The following ABCC4 variants were observed in gnomAD, a reference collection of about 807,000 sequenced individuals.
The protein encoded by ABCC4 is ATP binding cassette subfamily C member 4 (PEL blood group), also known as ATP-binding cassette sub-family C member 4.
ABCC4 carries 102 observed loss-of-function variants against 168.5 expected under a neutral mutation model. The observed-to-expected ratio is 0.61, with a 90% CI of 0.52 to 0.71. The LOEUF is 0.71. ABCC4 is among the 30% of genes least tolerant of loss of function. The probability of loss-of-function intolerance (pLI) is 0.00; values close to 1 mark genes in which losing one functional copy is unlikely to be tolerated. For synonymous variants in ABCC4, 617 were observed against 590.7 expected, an observed-to-expected ratio of 1.04 and a Z score of -0.65; for missense variants, 1,402 against 1,605.8, an observed-to-expected ratio of 0.87 and a Z score of 2.17.
chr13:95,241,837 C>G (rs1190711018), intron 3 of ABCC4, among the ~76,000 whole-genome samples: 1 of 152,164 alleles, frequency 6.6e-6, no homozygotes, highest in South Asian at 2.1e-4. Context: ...CATTAGTACC[C>G]AGGGAAGGCC....
chr13:95,241,839 G>A lies in ABCC4; in HGVS notation c.306+5136C>T, dbSNP rs920001104. ...CTGCTGGTGCCATCATTAGTACCCA[G>A]GGAAGGCCCTGCTTGCCTTCAGCTT... On this transcript the variant is annotated intron_variant, in intron 3 of 30. Coordinates refer to ENST00000645237, the MANE Select transcript of ABCC4 (RefSeq NM_005845.5). Among the ~76,000 whole-genome samples, 63 of 152,106 alleles carry A rather than the reference G, an allele frequency of 4.1e-4. 1 individual carries two copies. The highest frequency in any genetic ancestry group is 1.5e-3 in the African/African-American group (62 of 41,418).
rs1566515664 is a variant in ABCC4, at chr13:95,196,648, GGAA to G, written c.1162-1714_1162-1712del. On this transcript the variant is annotated intron_variant, in intron 8 of 30. Transcript: ENST00000645237. ...AGGAAGGAAGGAAGGAAGGAAGGAAGGAAGGAAGGAAGGAAGGAAGGAAGGAAG... is the reference window on the plus strand; with the variant it reads ...AGGAAGGAAGGAAGGAAGGAAGGAAGGGAAGGAAGGAAGGAAGGAAGGAAG... Among the ~76,000 whole-genome samples, 98 of 24,476 alleles carry G rather than the reference GGAA, an allele frequency of 4.0e-3. 9 individuals carry two copies. Among genetic ancestry groups the G allele is most frequent in the Middle Eastern group, 0.025 (1 of 40 alleles). The allele number at this position is 24,476 out of a possible 152,430, so 16.1% of individuals were successfully genotyped here.
intron 19 of ABCC4, among the ~76,000 whole-genome samples, chr13:95,126,288 A>C (rs1564353): frequency 0.49 from 74,176 of 151,972 alleles, 18,787 homozygotes; most frequent in South Asian, 0.69. Flanking sequence ...CAAGCGGTCT[A>C]CAAGAATGTG....
chr13:95,134,916 A>G (rs1193641535), intron 19 of ABCC4, among the ~76,000 whole-genome samples: 1 of 152,110 alleles, frequency 6.6e-6, no homozygotes, highest in Admixed American at 6.6e-5. Context: ...GATCTGATTA[A>G]GTCTGAACTT....
At chr13:95,093,539 AC>A (rs1009889545) in intron 20 of ABCC4, among the ~76,000 whole-genome samples, 7 of 152,288 alleles carry the variant, frequency 4.6e-5, no homozygotes, top group African/African-American at 1.7e-4. Flanking sequence ...CAAGAGACAT[AC>A]CTCAATGTAA....
chr13:95,212,314 C>T (rs867653730), intron 4 of ABCC4, among the ~76,000 whole-genome samples: 12 of 152,060 alleles, frequency 7.9e-5, no homozygotes, highest in Admixed American at 2.0e-4. Context: ...AGAAACAGAA[C>T]GTAATGTGCC....
chr13:95,198,714 C>T (rs1460360467), intron 8 of ABCC4, among the ~76,000 whole-genome samples: 1 of 152,126 alleles, frequency 6.6e-6, no homozygotes, highest in East Asian at 1.9e-4. Flanking sequence ...AACCCAAATG[C>T]CCATCAATGA....
intron 10 of ABCC4, among the ~76,000 whole-genome samples, chr13:95,187,370 C>T (rs1486082148): frequency 2.0e-5 from 3 of 151,896 alleles, no homozygotes; most frequent in East Asian, 3.9e-4. Context: ...TTTGGGAGGC[C>T]GAGGCGGGTG....
At chr13:95,265,797 T>G (rs968760363) in intron 1 of ABCC4, among the ~76,000 whole-genome samples, 1 of 152,200 alleles carries the variant, frequency 6.6e-6, no homozygotes, top group East Asian at 1.9e-4. Flanking sequence ...GAGAGGCAAG[T>G]GCATGGCTTC....
chr13:95,240,147 A>G (rs1166288870), intron 3 of ABCC4, among the ~76,000 whole-genome samples: 5 of 152,226 alleles, frequency 3.3e-5, no homozygotes, highest in Non-Finnish European at 5.9e-5. Flanking sequence ...TACAGCATGC[A>G]AGGATGTAGA....
intron 3 of ABCC4, among the ~76,000 whole-genome samples, chr13:95,239,397 T>C (rs1419447793): frequency 2.0e-5 from 3 of 152,204 alleles, no homozygotes; most frequent in African/African-American, 7.2e-5. Flanking sequence ...ATTCATGATA[T>C]GTTTATCTTT....
chr13:95,229,433 A>G (rs1370173001), intron 4 of ABCC4, among the ~76,000 whole-genome samples: 2 of 152,210 alleles, frequency 1.3e-5, no homozygotes, highest in African/African-American at 2.4e-5. Context: ...AATTCTGCAA[A>G]AAAGTCTGCA....
At chr13:95,264,869 T>C (rs1292577691) in intron 1 of ABCC4, among the ~76,000 whole-genome samples, 2 of 130,066 alleles carry the variant, frequency 1.5e-5, no homozygotes, top group South Asian at 4.6e-4. Context: ...ATCCACTTTT[T>C]TTTTTTTTTT....
intron 1 of ABCC4, among the ~76,000 whole-genome samples, chr13:95,278,173 ATCATT>A (rs1391405262): frequency 6.6e-6 from 1 of 152,218 alleles, no homozygotes; most frequent in Admixed American, 6.5e-5. Flanking sequence ...GTTTTTACCA[ATCATT>A]ACTTTGGATA....
chr13:95,298,450 C>T (rs2138973570), intron 1 of ABCC4, among the ~76,000 whole-genome samples: 1 of 152,326 alleles, frequency 6.6e-6, no homozygotes, highest in South Asian at 2.1e-4. Flanking sequence ...CCCCCACCCA[C>T]ACACCCAGTG....
At chr13:95,202,408 G>C (rs972274187) in intron 8 of ABCC4, among the ~76,000 whole-genome samples, 1 of 152,100 alleles carries the variant, frequency 6.6e-6, no homozygotes, top group Admixed American at 6.6e-5. Context: ...TAATACAGAC[G>C]GTTTTCTAAA....
chr13:95,170,767 T>A, intron 13 of ABCC4, 139 bp from the exon 14 acceptor site: 1 of 522,602 alleles, frequency 1.9e-6, no homozygotes, highest in East Asian at 3.1e-5. Context: ...AATACAAATA[T>A]AAGCCAATAA....
At position 95,206,794 on chromosome 13, in the gene ABCC4, A is replaced by T. The variant is rs2038794998; in HGVS notation, c.912-13T>A. Reference sequence around the variant, plus strand: ...GGAAATCTCCTTCCTGAAAGAGAGTACAGGTTTTTAAAAAAGCAGTGATGT... The same window carrying T: ...GGAAATCTCCTTCCTGAAAGAGAGTTCAGGTTTTTAAAAAAGCAGTGATGT... On this transcript the variant is annotated splice_polypyrimidine_tract_variant and intron_variant, in intron 7 of 30. Transcript: ENST00000645237. The T allele has an allele frequency of 6.2e-7, 1 of 1,612,448 alleles. No homozygotes were observed. The highest frequency in any genetic ancestry group is 1.3e-5 in the African/African-American group (1 of 74,894).
At chr13:95,036,025 G>T (rs899584457) in intron 29 of ABCC4, among the ~76,000 whole-genome samples, 2 of 152,154 alleles carry the variant, frequency 1.3e-5, no homozygotes, top group African/African-American at 4.8e-5. Context: ...AAGAGTTCAA[G>T]AATAATTGAA....
Sources: gnomAD v4.1 joint callset for allele counts (sites outside exome capture counted in the v4.1 genomes callset) on GRCh38, gnomAD v4.1.1 for gene constraint, MANE v1.5 for transcripts, NCBI Gene and HGNC (gene_info 2026-07-23, HGNC 2026-07-21) for gene names.